The following ISX variants were observed in gnomAD, a reference collection of about 807,000 sequenced individuals.
ISX encodes intestine specific homeobox.
In ISX, 15 loss-of-function variants were observed where a neutral mutation model predicts 16.9. The ratio of observed to expected loss-of-function variants is 0.89; its 90% CI spans 0.59 to 1.36. The LOEUF (loss-of-function observed/expected upper bound fraction) is 1.36. ISX is among the 40% of genes most tolerant of loss of function. ISX has a pLI of 0.00. For missense variants in ISX, 316 were observed against 306.1 expected (o/e 1.03, Z -0.24); for synonymous variants, 125 against 119.7 (o/e 1.04, Z -0.29).
chr22:35,086,756 T>C lies in ISX; in HGVS notation c.*1063T>C, dbSNP rs1453595208. Reference sequence around the variant, plus strand: ...TCCAAGATTCCACTGCAAAAGTGGCTGCTTTGGATGCCAGCCCAGGATGAG... The same window carrying C: ...TCCAAGATTCCACTGCAAAAGTGGCCGCTTTGGATGCCAGCCCAGGATGAG... On this transcript the variant is annotated 3_prime_UTR_variant, in exon 5 of 5. Coordinates refer to ENST00000404699, the MANE Select transcript of ISX (RefSeq NM_001303508.2). 2 of 152,296 alleles carry C rather than the reference T, an allele frequency of 1.3e-5. No homozygotes were observed. The highest frequency in any genetic ancestry group is 2.9e-5 in the Non-Finnish European group (2 of 68,070). The allele number at this position is 152,296 out of a possible 1,614,324, so 9.4% of individuals were successfully genotyped here.
In ISX at chr22:35,079,661, A is replaced by G. The variant is rs375626366; in HGVS notation, c.230-2857A>G. 3.9e-5 allele frequency among the ~76,000 whole-genome samples: 6 copies of G among 152,264 alleles called. 1 individual carries two copies. Among genetic ancestry groups the G allele is most frequent in the African/African-American group, 1.4e-4 (6 of 41,542 alleles). ...GTACCTCGGTTCTTAATTATTTCCC[A>G]AGAGCGGTTTTTCTTACAAGGAATG... On this transcript the variant is annotated intron_variant, in intron 2 of 4. Coordinates refer to ENST00000404699, the MANE Select transcript of ISX (RefSeq NM_001303508.2).
chr22:35,067,317 G>A lies in ISX; in HGVS notation c.229+1G>A, dbSNP rs577009157. The A allele has an allele frequency of 1.3e-6, 2 of 1,554,892 alleles. No individual in the cohort carries two copies. Among genetic ancestry groups the A allele is most frequent in the South Asian group, 1.2e-5 (1 of 84,496 alleles). The stretch of plus-strand genomic sequence containing the variant: ...AAGCCTCCAAAGGACCAGCCCCAGG[G>A]TAAGTGTCTTCTGATCATTTCTTTC... On this transcript the variant is annotated splice_donor_variant, in intron 2 of 4. Coordinates refer to ENST00000404699, the MANE Select transcript of ISX (RefSeq NM_001303508.2). LOFTEE classifies it high-confidence loss of function.
intron 2 of ISX, among the ~76,000 whole-genome samples, chr22:35,076,338 G>A (rs901409867): frequency 3.9e-5 from 6 of 152,194 alleles, no homozygotes; most frequent in Admixed American, 1.3e-4. Flanking sequence ...TGACAACTGA[G>A]GGAAAGCAGA....
chr22:35,083,574 G>A (rs1025040408), intron 3 of ISX, among the ~76,000 whole-genome samples: 1 of 152,224 alleles, frequency 6.6e-6, no homozygotes, highest in Non-Finnish European at 1.5e-5. Flanking sequence ...ATCTCACTGT[G>A]GCACCGTTAG....
In ISX at chr22:35,086,596, G is replaced by T. The variant is rs1569115019; in HGVS notation, c.*903G>T. 1 of 152,204 alleles carries T rather than the reference G, an allele frequency of 6.6e-6. No homozygotes were observed. The highest frequency in any genetic ancestry group is 2.1e-4 in the South Asian group (1 of 4,828). 9.4% of individuals were successfully genotyped at this position (152,204 alleles called of 1,614,324 possible). A position where few individuals can be genotyped will look rare whatever the true frequency, so the allele number is the denominator to read the frequency against. ...AGACGCTGGGCAAACCACATGTTCT[G>T]TCTGAGCCTCAGTTTTCCTATCCAT... On this transcript the variant is annotated 3_prime_UTR_variant, in exon 5 of 5. Coordinates refer to ENST00000404699, the MANE Select transcript of ISX (RefSeq NM_001303508.2).
chr22:35,079,684 A>C (rs368736661), intron 2 of ISX, among the ~76,000 whole-genome samples: 21 of 152,302 alleles, frequency 1.4e-4, no homozygotes, highest in African/African-American at 4.8e-4. Context: ...CTTACAAGGA[A>C]TGTGGAAAAA....
intron 2 of ISX, among the ~76,000 whole-genome samples, chr22:35,075,224 T>C (rs1226423585): frequency 6.6e-6 from 1 of 152,168 alleles, no homozygotes; most frequent in South Asian, 2.1e-4. Flanking sequence ...AAGGAAAGCC[T>C]GTGAAGCACC....
At position 35,082,519 on chromosome 22, in the gene ISX, A is replaced by T; in HGVS notation, c.231A>T (p.Glu77Asp). Residue 77 changes from glutamate (E) to aspartate (D), a missense_variant and splice_region_variant, in exon 3 of 5, where the codon GAA becomes GAT. Glu to Asp is a conservative substitution (Grantham distance 45). Coordinates refer to ENST00000404699, the MANE Select transcript of ISX (RefSeq NM_001303508.2). ...CAACTTGGACCCTCTCCCATGCAGAAGGAAGGAAGAGCAAGCGGAGGGTTC... is the reference window on the plus strand; with the variant it reads ...CAACTTGGACCCTCTCCCATGCAGATGGAAGGAAGAGCAAGCGGAGGGTTC... ...LEKPPKDQPQEGRKSKRRVRT... is the reference protein window; with the variant it reads ...LEKPPKDQPQDGRKSKRRVRT... The T allele has an allele frequency of 6.2e-7, 1 of 1,613,206 alleles. No individual in the cohort carries two copies.
chr22:35,074,435 A>C (rs1487668047), intron 2 of ISX, among the ~76,000 whole-genome samples: 1 of 152,186 alleles, frequency 6.6e-6, no homozygotes, highest in African/African-American at 2.4e-5. Context: ...CTCTTTGTAC[A>C]TCATTTTAGT....
At chr22:35,080,585 A>C (rs1929101535) in intron 2 of ISX, among the ~76,000 whole-genome samples, 1 of 152,178 alleles carries the variant, frequency 6.6e-6, no homozygotes, top group Non-Finnish European at 1.5e-5. Context: ...CCCTGCAAAC[A>C]ACTTCAGCAG....
intron 2 of ISX, among the ~76,000 whole-genome samples, chr22:35,069,102 C>A (rs555373020): frequency 6.6e-6 from 1 of 152,262 alleles, no homozygotes; most frequent in South Asian, 2.1e-4. Flanking sequence ...TGATCTAGCT[C>A]AATAGTCCTG....
chr22:35,077,782 T>C (rs4821361), intron 2 of ISX, among the ~76,000 whole-genome samples: 64,575 of 152,016 alleles, frequency 0.42, 14,430 homozygotes, highest in Non-Finnish European at 0.5. Flanking sequence ...GAGCAGAGTT[T>C]AGATCCTTTC....
At chr22:35,076,512 G>A (rs142617723) in intron 2 of ISX, among the ~76,000 whole-genome samples, 1,775 of 152,262 alleles carry the variant, frequency 0.012, 9 homozygotes, top group Non-Finnish European at 0.016. Context: ...CCCCACCTTC[G>A]TGTGTCAGGA....
intron 2 of ISX, among the ~76,000 whole-genome samples, chr22:35,070,360 A>G (rs564459462): frequency 6.6e-6 from 1 of 152,340 alleles, no homozygotes; most frequent in African/African-American, 2.4e-5. Flanking sequence ...AGGACCCTCC[A>G]AAGTTAAGGG....
intron 2 of ISX, among the ~76,000 whole-genome samples, chr22:35,075,781 G>A (rs1042744976): frequency 9.9e-5 from 15 of 152,098 alleles, no homozygotes; most frequent in Non-Finnish European, 1.5e-4. Flanking sequence ...CAGTCACCCC[G>A]GGGAGTGGCA....
rs575871856 is a variant in ISX at position 35,081,757 on chromosome 22, G to A, written c.230-761G>A. On this transcript the variant is annotated intron_variant, in intron 2 of 4. Transcript: ENST00000404699. ...TGCGAGACCTAATCTCACCCTGTGA[G>A]TATGCTTATGCTCTTTGAGGGATGC... 7.2e-5 allele frequency among the ~76,000 whole-genome samples: 11 copies of A among 152,314 alleles called. No individual in the cohort carries two copies. The East Asian group carries it at 2.1e-3, about 29-fold the overall frequency.
In ISX at chr22:35,085,979, C is replaced by A. The variant is rs1053577148; in HGVS notation, c.*286C>A. On this transcript the variant is annotated 3_prime_UTR_variant, in exon 5 of 5. Coordinates refer to ENST00000404699, the MANE Select transcript of ISX (RefSeq NM_001303508.2). ...CTGAAATAGGGAGGTAATCCTCCAGCACCTGTGTTTCCTCTAACTTGCTGT... is the reference window on the plus strand; with the variant it reads ...CTGAAATAGGGAGGTAATCCTCCAGAACCTGTGTTTCCTCTAACTTGCTGT... 4 of 469,666 alleles carry A rather than the reference C, an allele frequency of 8.5e-6. No homozygotes were observed. The highest frequency in any genetic ancestry group is 1.6e-5 in the Non-Finnish European group (4 of 255,588). The allele number at this position is 469,666 out of a possible 1,614,324, so 29.1% of individuals were successfully genotyped here.
intron 2 of ISX, 99 bp downstream of exon 2, chr22:35,067,415 A>G: frequency 1.2e-6 from 1 of 803,022 alleles, no homozygotes; most frequent in Non-Finnish European, 2.0e-6. Flanking sequence ...AACTGGATAG[A>G]GGACTCTAAA....
chr22:35,072,289 A>T (rs1928874379), intron 2 of ISX, among the ~76,000 whole-genome samples: 1 of 152,210 alleles, frequency 6.6e-6, no homozygotes, highest in Non-Finnish European at 1.5e-5. Context: ...GCACGGTATT[A>T]GTGTGGGGTC....
Sources: gnomAD v4.1 joint callset for allele counts (sites outside exome capture counted in the v4.1 genomes callset) on GRCh38, gnomAD v4.1.1 for gene constraint, MANE v1.5 for transcripts, NCBI Gene and HGNC (gene_info 2026-07-23, HGNC 2026-07-21) for gene names.